The following PCDH11X variants were observed in gnomAD, a reference collection of about 807,000 sequenced individuals.
PCDH11X encodes the protein protocadherin-11 X-linked.
PCDH11X carries 18 observed loss-of-function variants against 53.3 expected under a neutral mutation model. That is an observed-to-expected ratio of 0.34 (90% confidence interval 0.23 to 0.50). PCDH11X has a LOEUF of 0.50. Ranked by LOEUF, PCDH11X falls within the 20% of genes least tolerant of loss-of-function variation. The pLI, the probability that PCDH11X is intolerant of heterozygous loss-of-function variation, is 0.98. For synonymous variants in PCDH11X, 279 were observed against 393.3 expected, an observed-to-expected ratio of 0.71 and a Z score of 3.44; for missense variants, 570 against 1,032.4, an observed-to-expected ratio of 0.55 and a Z score of 6.14.
chrX:92,240,515 G>C (rs1369977566), intron 7 of PCDH11X, among the ~76,000 whole-genome samples: 3 of 111,385 alleles, frequency 2.7e-5, no homozygotes, highest in Non-Finnish European at 3.8e-5. Context: ...CATATTTATA[G>C]GTTCTACTCA....
At chrX:92,428,403 A>G (rs2072174549) in intron 9 of PCDH11X, among the ~76,000 whole-genome samples, 1 of 111,075 alleles carries the variant, frequency 9.0e-6, no homozygotes, top group Non-Finnish European at 1.9e-5. Flanking sequence ...AGGCAGGAGC[A>G]TGTGCAAGGC....
intron 7 of PCDH11X, 38 bp downstream of exon 7, chrX:92,201,493 T>G: frequency 1.2e-6 from 1 of 858,365 alleles, no homozygotes; most frequent in East Asian, 3.3e-5. Context: ...TCCCCCTTCC[T>G]TTTAAATGAT....
At chrX:92,192,809 G>A (rs772424565) in intron 6 of PCDH11X, among the ~76,000 whole-genome samples, 2 of 110,776 alleles carry the variant, frequency 1.8e-5, no homozygotes, top group South Asian at 3.9e-4. Context: ...TGCTGTTTTG[G>A]CTCACTGCAA....
chrX:91,917,033 A>G (rs1198370065), intron 6 of PCDH11X, among the ~76,000 whole-genome samples: 1 of 111,901 alleles, frequency 8.9e-6, no homozygotes, highest in Admixed American at 9.5e-5. Flanking sequence ...AATGTGATAC[A>G]TCACATAAAC....
chrX:92,475,164 C>CAAAAAAAAAAA (rs761171281), intron 10 of PCDH11X, among the ~76,000 whole-genome samples: 1 of 30,541 alleles, frequency 3.3e-5, no homozygotes, highest in African/African-American at 1.6e-4. Flanking sequence ...GACTCCGTCT[C>CAAAAAAAAAAA]AAAAAAAAAA....
At chrX:91,826,465 C>G (rs1936930141) in intron 4 of PCDH11X, among the ~76,000 whole-genome samples, 1 of 96,898 alleles carries the variant, frequency 1.0e-5, no homozygotes, top group Non-Finnish European at 2.0e-5. Flanking sequence ...TACTTTATTT[C>G]TTTAACTTTT....
At chrX:92,009,598 T>C (rs987803946) in intron 6 of PCDH11X, among the ~76,000 whole-genome samples, 10 of 110,765 alleles carry the variant, frequency 9.0e-5, no homozygotes, top group Non-Finnish European at 1.7e-4. Context: ...AAAGAATTGC[T>C]TTCAGAAAGA....
intron 6 of PCDH11X, among the ~76,000 whole-genome samples, chrX:91,934,102 C>T (rs2061419089): frequency 9.0e-6 from 1 of 111,607 alleles, no homozygotes; most frequent in Admixed American, 9.6e-5. Flanking sequence ...TTTCTTAAAA[C>T]ATAGCTAAAT....
At chrX:92,293,132 C>A (rs1356238342) in intron 8 of PCDH11X, among the ~76,000 whole-genome samples, 1 of 108,465 alleles carries the variant, frequency 9.2e-6, no homozygotes, top group Non-Finnish European at 1.9e-5. Flanking sequence ...GAAAAATGAA[C>A]TAAGAGGCAC....
At chrX:92,209,363 C>T (rs1319572363) in intron 7 of PCDH11X, among the ~76,000 whole-genome samples, 1 of 111,882 alleles carries the variant, frequency 8.9e-6, no homozygotes, top group Non-Finnish European at 1.9e-5. Context: ...TGGGTAAATC[C>T]TCCTACTCCA....
intron 6 of PCDH11X, among the ~76,000 whole-genome samples, chrX:92,091,639 C>T (rs1407635703): frequency 9.0e-6 from 1 of 111,073 alleles, no homozygotes; most frequent in East Asian, 2.8e-4. Context: ...GGTGGGACAA[C>T]TCAAAGTGGG....
intron 8 of PCDH11X, among the ~76,000 whole-genome samples, chrX:92,370,291 G>A (rs2145774): frequency 9.5e-6 from 1 of 105,637 alleles, no homozygotes; most frequent in Non-Finnish European, 1.9e-5. Flanking sequence ...GATTTCATTC[G>A]TATTAATTAC....
At chrX:91,889,787 GAC>G (rs1411517316) in intron 6 of PCDH11X, among the ~76,000 whole-genome samples, 2 of 108,667 alleles carry the variant, frequency 1.8e-5, no homozygotes, top group Non-Finnish European at 3.8e-5. Context: ...ACTACATAAA[GAC>G]ACAGAATTTA....
intron 6 of PCDH11X, among the ~76,000 whole-genome samples, chrX:92,181,102 A>G (rs12387484): frequency 0.43 from 47,351 of 110,003 alleles, 8,561 homozygotes; most frequent in Non-Finnish European, 0.58. Flanking sequence ...AATGGCGTTG[A>G]CAAAAATGCT....
intron 10 of PCDH11X, among the ~76,000 whole-genome samples, chrX:92,521,623 C>G (rs922398620): frequency 3.6e-5 from 4 of 111,736 alleles, no homozygotes; most frequent in Non-Finnish European, 7.5e-5. Flanking sequence ...AGGGACTCAG[C>G]CTGTCCTCTG....
chrX:92,038,800 C>T (rs1461529682), intron 6 of PCDH11X, among the ~76,000 whole-genome samples: 2 of 107,622 alleles, frequency 1.9e-5, no homozygotes, highest in Non-Finnish European at 3.8e-5. Flanking sequence ...GTGAATGAGT[C>T]TCAGGAGATC....
chrX:91,892,629 G>A (rs1475011805), intron 6 of PCDH11X, among the ~76,000 whole-genome samples: 1 of 109,244 alleles, frequency 9.2e-6, no homozygotes, highest in Non-Finnish European at 1.9e-5. Context: ...TTAAGACACC[G>A]CTGCAAGGAC....
intron 6 of PCDH11X, among the ~76,000 whole-genome samples, chrX:92,073,583 C>A (rs1024842699): frequency 8.9e-6 from 1 of 112,365 alleles, no homozygotes; most frequent in African/African-American, 3.2e-5. Flanking sequence ...CTCTAAATAT[C>A]TGCAGAGCAT....
At chrX:92,365,156 T>C (rs1196084722) in intron 8 of PCDH11X, among the ~76,000 whole-genome samples, 1 of 86,418 alleles carries the variant, frequency 1.2e-5, no homozygotes, top group Non-Finnish European at 2.3e-5. Context: ...TCTCCTATGA[T>C]AACAATGTCT....
Sources: allele counts gnomAD v4.1 joint callset (sites outside exome capture counted in the v4.1 genomes callset), GRCh38; gene constraint gnomAD v4.1.1; transcripts MANE v1.5; gene names NCBI Gene and HGNC (gene_info 2026-07-23, HGNC 2026-07-21).